Variants in CSN1S1 observed in about 807,000 individuals in gnomAD.
The protein encoded by CSN1S1 is casein alpha s1.
CSN1S1 carries 63 observed loss-of-function variants against 49.1 expected under a neutral mutation model. That is an observed-to-expected ratio of 1.28 (90% confidence interval 1.05 to 1.58). The LOEUF is 1.58. CSN1S1 is among the 40% of genes most tolerant of loss of function. The pLI is 0.00. For synonymous variants in CSN1S1, 78 were observed against 67.1 expected, an observed-to-expected ratio of 1.16 and a Z score of -0.79; for missense variants, 260 against 224.7, an observed-to-expected ratio of 1.16 and a Z score of -1.01.
At position 69,936,592 on chromosome 4, in the gene CSN1S1, G is replaced by C; in HGVS notation, c.180G>C (p.Gln60His). The change falls in exon 7 of 16, where the codon CAG becomes CAC. Residue 60 changes from glutamine (Q) to histidine (H), a missense_variant. By Grantham distance (24) the Gln-to-His change is conservative (BLOSUM62 0). Transcript: ENST00000246891. ...AGAGAAACATTCTGAGAGAAAAACAGACTGATGAAATCAAGGTACCAAAGT... is the reference window on the plus strand; with the variant it reads ...AGAGAAACATTCTGAGAGAAAAACACACTGATGAAATCAAGGTACCAAAGT... The part of the protein sequence containing the change: ...NRQRNILREK[Q>H]TDEIKDTRNE... 6.2e-7 allele frequency: 1 copy of C among 1,605,766 alleles called. No individual in the cohort carries two copies. Among genetic ancestry groups the C allele is most frequent in the Non-Finnish European group, 8.5e-7 (1 of 1,175,532 alleles).
At chr4:69,933,702 T>G (rs1722680444) in intron 2 of CSN1S1, among the ~76,000 whole-genome samples, 1 of 152,024 alleles carries the variant, frequency 6.6e-6, no homozygotes, top group South Asian at 2.1e-4. Context: ...ATGTCACTGT[T>G]TAACGTGGTC....
chr4:69,944,009 C>G lies in CSN1S1; in HGVS notation c.403-841C>G, dbSNP rs532819337. On this transcript the variant is annotated intron_variant, in intron 14 of 15. Transcript: ENST00000246891. ...CTTATTTCTGTCTGTCTGTCTGTCT[C>G]TCTCTCTCTCTCTCTCGGTCTCTCT... Among the ~76,000 whole-genome samples the G allele has an allele frequency of 4.4e-4, 66 of 151,318 alleles. 2 individuals are homozygous for G. The South Asian group carries it at 0.011, about 24-fold the overall frequency.
At chr4:69,942,094 T>C in intron 13 of CSN1S1, 31 bp downstream of exon 13, 1 of 1,336,000 alleles carries the variant, frequency 7.5e-7, no homozygotes, top group South Asian at 1.6e-5. Flanking sequence ...TAAAATATTT[T>C]AGTATTTCCT....
At chr4:69,934,117 A>T in intron 2 of CSN1S1, 95 bp from the exon 3 acceptor site, 1 of 848,466 alleles carries the variant, frequency 1.2e-6, no homozygotes, top group Non-Finnish European at 1.8e-6. Context: ...TGAAAATGGC[A>T]GTGTCAAAAA....
Position 69,937,754 on chromosome 4 carries a change from A to T in CSN1S1, c.220-46A>T, listed in dbSNP as rs370764046. On this transcript the variant is annotated intron_variant, in intron 8 of 15. Coordinates refer to ENST00000246891, the MANE Select transcript of CSN1S1 (RefSeq NM_001890.2). ...TTGGTAATCATTACTTTTGTATTTG[A>T]CTATTTGTCATGAAAAATGAAATTG... 30 of 1,452,958 alleles carry T rather than the reference A, an allele frequency of 2.1e-5. No homozygotes were observed. In the African/African-American group the frequency reaches 4.1e-4, roughly 20 times the overall value. 90.0% of individuals were successfully genotyped at this position (1,452,958 alleles called of 1,614,324 possible).
intron 5 of CSN1S1, 30 bp downstream of exon 5, chr4:69,935,979 C>G: frequency 1.3e-6 from 2 of 1,509,870 alleles, no homozygotes; most frequent in Non-Finnish European, 1.8e-6. Context: ...ATTTACCGTG[C>G]AATTAACAAA....
intron 11 of CSN1S1, 107 bp downstream of exon 11, chr4:69,940,151 G>A (rs1722930225): frequency 6.6e-6 from 3 of 454,156 alleles, no homozygotes; most frequent in Admixed American, 4.7e-5. Context: ...ACACACACAC[G>A]GGAAAACATG....
At chr4:69,941,127 A>G (rs1722958389) in intron 12 of CSN1S1, 67 bp downstream of exon 12, 1 of 669,298 alleles carries the variant, frequency 1.5e-6, no homozygotes, top group African/African-American at 1.9e-5. Flanking sequence ...TTAAATTTTA[A>G]ATTGGGGCCA....
chr4:69,931,551 T>G (rs983738767), intron 1 of CSN1S1, among the ~76,000 whole-genome samples: 1 of 151,952 alleles, frequency 6.6e-6, no homozygotes, highest in African/African-American at 2.4e-5. Context: ...CAAAATTAAC[T>G]CTACAATGTG....
At chr4:69,936,711 T>C (rs1722800318) in intron 7 of CSN1S1, 104 bp downstream of exon 7, 1 of 1,069,468 alleles carries the variant, frequency 9.4e-7, no homozygotes, top group South Asian at 1.6e-5. Context: ...GGTTTTGTCC[T>C]TTCCTTGAAC....
At position 69,932,517 on chromosome 4, in the gene CSN1S1, C is replaced by G. The variant is rs142141265; in HGVS notation, c.-12-27C>G. On this transcript the variant is annotated intron_variant, in intron 1 of 15. Transcript: ENST00000246891. ...ACAAATTTAACGTAATAATATCTAA[C>G]TCTTTCTTTTTTGTTCTCTTACATA... is the stretch of plus-strand genomic sequence containing the variant. The G allele has an allele frequency of 1.9e-6, 3 of 1,559,560 alleles. No individual in the cohort carries two copies. In the African/African-American group the frequency reaches 4.1e-5, roughly 21 times the overall value.
intron 8 of CSN1S1, 81 bp from the exon 9 acceptor site, chr4:69,937,719 T>C (rs1722833393): frequency 1.8e-6 from 2 of 1,083,542 alleles, no homozygotes; most frequent in Non-Finnish European, 1.3e-6. Context: ...TTCTTTGACA[T>C]CCATTTTATT....
At chr4:69,937,430 C>T (rs1031765004) in intron 8 of CSN1S1, among the ~76,000 whole-genome samples, 3 of 148,794 alleles carry the variant, frequency 2.0e-5, no homozygotes, top group Admixed American at 1.4e-4. Flanking sequence ...ATTTACACAC[C>T]ATTAAATCAG....
intron 15 of CSN1S1, among the ~76,000 whole-genome samples, chr4:69,945,455 T>G (rs1207062462): frequency 2.6e-5 from 4 of 152,008 alleles, no homozygotes. Flanking sequence ...TTTGCTTACT[T>G]GAAATTTTAT....
chr4:69,939,036 A>G, intron 9 of CSN1S1, 140 bp from the exon 10 acceptor site: 1 of 506,952 alleles, frequency 2.0e-6, no homozygotes, highest in Non-Finnish European at 3.6e-6. Context: ...AATACAATGT[A>G]GTACGCCTGA....
In CSN1S1 at chr4:69,940,111, T is replaced by TCTCA. The variant is rs1491537992; in HGVS notation, c.300+68_300+69insTCAC. ...CAGGATAATTAAAATGCACTTACTT[T>TCTCA]CACACACACACACACACACACACAC... On this transcript the variant is annotated intron_variant, in intron 11 of 15. Coordinates refer to ENST00000246891, the MANE Select transcript of CSN1S1 (RefSeq NM_001890.2). 2,450 of 405,276 alleles carry TCTCA rather than the reference T, an allele frequency of 6.0e-3. 141 individuals carry two copies. Among genetic ancestry groups the TCTCA allele is most frequent in the Admixed American group, 9.8e-3 (215 of 22,048 alleles). The allele number at this position is 405,276 out of a possible 1,614,324, so 25.1% of individuals were successfully genotyped here. A position where few individuals can be genotyped will look rare whatever the true frequency, so the allele number is the denominator to read the frequency against.
chr4:69,944,901 T>G lies in CSN1S1; in HGVS notation c.454T>G (p.Tyr152Asp). ...LAAYPYAVWY[Y>D]PQIMQYVPFP... ...TGCCTACCCCTATGCTGTTTGGTAC[T>G]ATCCACAAATCATGCAGTATGTTCC... Residue 152 changes from tyrosine (Y) to aspartate (D), a missense_variant, in exon 15 of 16, where the codon TAT (tyrosine) becomes GAT (aspartate). Transcript: ENST00000246891. 1.9e-6 allele frequency: 3 copies of G among 1,613,030 alleles called. No individual in the cohort carries two copies. Among genetic ancestry groups the G allele is most frequent in the Non-Finnish European group, 2.5e-6 (3 of 1,179,282 alleles).
In CSN1S1 at chr4:69,936,433, A is replaced by T. The variant is rs73824710; in HGVS notation, c.130-23A>T. 10,573 of 1,505,432 alleles carry T rather than the reference A, an allele frequency of 7.0e-3. 634 individuals are homozygous for T. The African/African-American group carries it at 0.13, about 18-fold the overall frequency. The allele number at this position is 1,505,432 out of a possible 1,614,324, so 93.3% of individuals were successfully genotyped here. ...ATGTCTTGTTTCACTAATATTGTTT[A>T]TGTTTTCTTTTTTATCCCTAAGGAA... On this transcript the variant is annotated intron_variant, in intron 5 of 15. Coordinates refer to ENST00000246891, the MANE Select transcript of CSN1S1 (RefSeq NM_001890.2).
chr4:69,941,847 C>T (rs1201134531), intron 12 of CSN1S1, among the ~76,000 whole-genome samples, 199 bp from the exon 13 acceptor site: 1 of 151,602 alleles, frequency 6.6e-6, no homozygotes, highest in African/African-American at 2.4e-5. Context: ...ATTTTAGTAC[C>T]ATAGATATGA....
Sources: allele counts gnomAD v4.1 joint callset (sites outside exome capture counted in the v4.1 genomes callset), GRCh38; gene constraint gnomAD v4.1.1; transcripts MANE v1.5; gene names NCBI Gene and HGNC (gene_info 2026-07-23, HGNC 2026-07-21).